STX8: variants seen among roughly 807,000 people sequenced by gnomAD.
STX8 encodes syntaxin 8, also known as syntaxin-8.
STX8 carries 23 observed loss-of-function variants against 37.5 expected under a neutral mutation model. That is an observed-to-expected ratio of 0.61 (90% CI 0.44 to 0.87). STX8 has a LOEUF of 0.87. Ranked by LOEUF, STX8 falls within the 40% of genes least tolerant of loss-of-function variation. STX8 has a pLI of 0.00. For missense variants in STX8, 313 were observed against 284.7 expected (o/e 1.10, Z -0.71); for synonymous variants, 115 against 99.1 (o/e 1.16, Z -0.95).
At chr17:9,358,133 G>A (rs1910944404) in intron 7 of STX8, among the ~76,000 whole-genome samples, 1 of 152,176 alleles carries the variant, frequency 6.6e-6, no homozygotes, top group Admixed American at 6.5e-5. Flanking sequence ...AAGGTAGATC[G>A]TTTGAAACCA....
At position 9,352,164 on chromosome 17, in the gene STX8, A is replaced by G. The variant is rs192852494; in HGVS notation, c.643+26388T>C. On this transcript the variant is annotated intron_variant, in intron 7 of 7. Transcript: ENST00000306357. ...AAGATCCTGCCTAAAAAAAAAAAAAAAGAAAAACAACAAAAAAAAACTTGG... is the reference window on the plus strand; with the variant it reads ...AAGATCCTGCCTAAAAAAAAAAAAAGAGAAAAACAACAAAAAAAAACTTGG... Among the ~76,000 whole-genome samples, 217 of 151,688 alleles carry G rather than the reference A, an allele frequency of 1.4e-3. 4 individuals are homozygous for G. The highest frequency in any genetic ancestry group is 0.011 in the Admixed American group (165 of 15,216).
chr17:9,349,992 C>T (rs752777476), intron 7 of STX8, among the ~76,000 whole-genome samples: 1 of 152,182 alleles, frequency 6.6e-6, no homozygotes, highest in Admixed American at 6.5e-5. Flanking sequence ...CACACTTTGG[C>T]TTCCCAAAGT....
chr17:9,485,367 G>A (rs1391910111), intron 6 of STX8, among the ~76,000 whole-genome samples: 1 of 152,122 alleles, frequency 6.6e-6, no homozygotes, highest in African/African-American at 2.4e-5. Context: ...AGGCATTCAT[G>A]GAGAGGAAAG....
intron 7 of STX8, among the ~76,000 whole-genome samples, chr17:9,349,821 G>A (rs926035341): frequency 2.0e-5 from 3 of 151,392 alleles, no homozygotes; most frequent in Non-Finnish European, 2.9e-5. Context: ...AAATGCCTAC[G>A]GGATGAGAGG....
intron 6 of STX8, among the ~76,000 whole-genome samples, chr17:9,394,389 T>G (rs1255342849): frequency 2.6e-5 from 4 of 152,070 alleles, no homozygotes; most frequent in Admixed American, 2.0e-4. Flanking sequence ...AATTCATTTT[T>G]TTTTTTGAGA....
At chr17:9,261,527 T>C (rs16958112) in intron 7 of STX8, among the ~76,000 whole-genome samples, 6,965 of 152,238 alleles carry the variant, frequency 0.046, 247 homozygotes, top group African/African-American at 0.094. Context: ...CTGCAGATGA[T>C]AGCCGTTCCT....
At chr17:9,349,717 T>C (rs1027829390) in intron 7 of STX8, among the ~76,000 whole-genome samples, 1 of 150,702 alleles carries the variant, frequency 6.6e-6, no homozygotes, top group Non-Finnish European at 1.5e-5. Context: ...TAATAAAAGT[T>C]ATGTGAATGT....
chr17:9,281,952 T>C (rs1474410943), intron 7 of STX8, among the ~76,000 whole-genome samples: 2 of 152,168 alleles, frequency 1.3e-5, no homozygotes, highest in Non-Finnish European at 2.9e-5. Flanking sequence ...GGTATGGGTC[T>C]AGCATCGACA....
chr17:9,549,698 G>A lies in STX8; in HGVS notation c.213-4416C>T, dbSNP rs117358206. Among the ~76,000 whole-genome samples, 64 of 152,182 alleles carry A rather than the reference G, an allele frequency of 4.2e-4. No individual in the cohort carries two copies. The East Asian group carries it at 0.01, about 24-fold the overall frequency. On this transcript the variant is annotated intron_variant, in intron 3 of 7. Transcript: ENST00000306357. The stretch of plus-strand genomic sequence containing the variant: ...CTCTTTGTTTTATATTTTAATCTAC[G>A]GAGAGAACAGAGCATAAGGAGATGG...
intron 6 of STX8, among the ~76,000 whole-genome samples, chr17:9,392,050 G>A (rs1912241015): frequency 6.6e-6 from 1 of 152,168 alleles, no homozygotes; most frequent in Admixed American, 6.5e-5. Context: ...AAACAGTACT[G>A]GAAAGACTTT....
At chr17:9,311,782 G>A (rs535376740) in intron 7 of STX8, among the ~76,000 whole-genome samples, 13 of 152,264 alleles carry the variant, frequency 8.5e-5, no homozygotes, top group Non-Finnish European at 1.3e-4. Context: ...ATAATACATC[G>A]AAGTACTTGA....
At chr17:9,312,364 G>A (rs1307808676) in intron 7 of STX8, among the ~76,000 whole-genome samples, 1 of 151,874 alleles carries the variant, frequency 6.6e-6, no homozygotes, top group Non-Finnish European at 1.5e-5. Flanking sequence ...ACCACGCCCA[G>A]CTAATTTTGT....
At chr17:9,519,896 T>C (rs938919418) in intron 4 of STX8, among the ~76,000 whole-genome samples, 7 of 147,464 alleles carry the variant, frequency 4.7e-5, no homozygotes, top group Non-Finnish European at 7.5e-5. Flanking sequence ...TCCTGATCCC[T>C]AGCCCCATCC....
chr17:9,376,764 C>G (rs780050260), intron 7 of STX8, among the ~76,000 whole-genome samples: 1 of 152,182 alleles, frequency 6.6e-6, no homozygotes, highest in Admixed American at 6.5e-5. Flanking sequence ...TCGGAAGGAA[C>G]AAACTCCGGA....
intron 7 of STX8, among the ~76,000 whole-genome samples, chr17:9,336,366 T>TCTTTC (rs1346788486): frequency 6.6e-6 from 1 of 151,866 alleles, no homozygotes. Flanking sequence ...TTCTTTCCTT[T>TCTTTC]CTTTCCTTTC....
chr17:9,308,624 G>A (rs1206324345), intron 7 of STX8, among the ~76,000 whole-genome samples: 2 of 151,426 alleles, frequency 1.3e-5, no homozygotes, highest in Non-Finnish European at 2.9e-5. Flanking sequence ...TTCGGAGGCT[G>A]AGGCGGGAGA....
chr17:9,276,170 C>G (rs762244990), intron 7 of STX8, among the ~76,000 whole-genome samples: 28 of 152,096 alleles, frequency 1.8e-4, no homozygotes, highest in Non-Finnish European at 3.1e-4. Flanking sequence ...CACAGGCTGG[C>G]CAGCAGCCCC....
chr17:9,500,987 A>G (rs2142493355), intron 5 of STX8, among the ~76,000 whole-genome samples: 1 of 152,310 alleles, frequency 6.6e-6, no homozygotes, highest in Middle Eastern at 3.4e-3. Flanking sequence ...CCTGGGTCAC[A>G]GAGTGAGACT....
intron 6 of STX8, among the ~76,000 whole-genome samples, chr17:9,423,740 T>C (rs914154389): frequency 6.6e-6 from 1 of 152,210 alleles, no homozygotes; most frequent in African/African-American, 2.4e-5. Flanking sequence ...TGCAGGTCAG[T>C]GATCCTCCAA....
Sources: allele counts gnomAD v4.1 joint callset (sites outside exome capture counted in the v4.1 genomes callset), GRCh38; gene constraint gnomAD v4.1.1; transcripts MANE v1.5; gene names NCBI Gene and HGNC (gene_info 2026-07-23, HGNC 2026-07-21).